PLEKHH1: variants seen among roughly 807,000 people sequenced by gnomAD.
PLEKHH1 encodes pleckstrin homology domain-containing family H member 1.
In PLEKHH1, 104 loss-of-function variants were observed where a neutral mutation model predicts 160.0. The ratio of observed to expected loss-of-function variants is 0.65; its 90% CI spans 0.55 to 0.76. The LOEUF (loss-of-function observed/expected upper bound fraction) is 0.76. Among genes scored for constraint, PLEKHH1 ranks in the 30% least tolerant of loss-of-function variants. The pLI, the probability that PLEKHH1 is intolerant of heterozygous loss-of-function variation, is 0.00. For synonymous variants in PLEKHH1, 619 were observed against 678.4 expected, an observed-to-expected ratio of 0.91 and a Z score of 1.36; for missense variants, 1,427 against 1,724.1, an observed-to-expected ratio of 0.83 and a Z score of 3.05.
At chr14:67,549,171 C>A (rs2034294958) in intron 2 of PLEKHH1, among the ~76,000 whole-genome samples, 1 of 152,024 alleles carries the variant, frequency 6.6e-6, no homozygotes, top group African/African-American at 2.4e-5. Flanking sequence ...CTTAGCAGGT[C>A]TTTGTGCTCA....
chr14:67,563,538 A>T (rs1439763277), intron 7 of PLEKHH1, among the ~76,000 whole-genome samples: 2 of 151,674 alleles, frequency 1.3e-5, no homozygotes, highest in Non-Finnish European at 2.9e-5. Flanking sequence ...GGTTCAATCA[A>T]TTCTCCCGCC....
Position 67,557,429 on chromosome 14 carries a change from A to G in PLEKHH1, c.339+11A>G. The G allele has an allele frequency of 6.2e-7, 1 of 1,611,438 alleles. No individual in the cohort carries two copies. ...CAGCTGGAGAAGCAGGTAAGGGCTC[A>G]TGCGCAAGGGAGCACCATGCCCTCT... On this transcript the variant is annotated intron_variant, in intron 4 of 28. Transcript: ENST00000329153.
rs755581767 is a variant in PLEKHH1, at chr14:67,569,978, A to G, written c.1400A>G (p.Asn467Ser). 2 of 1,608,552 alleles carry G rather than the reference A, an allele frequency of 1.2e-6. No homozygotes were observed. Among genetic ancestry groups the G allele is most frequent in the South Asian group, 2.2e-5 (2 of 89,822 alleles). ...PGSFSGLVYK[N>S]VTVPVYTALK... is the part of the protein sequence containing the mutation. ...TCTTTCTCTGGCCTGGTCTACAAGA[A>G]TGTCACTGTGCCTGTCTACACAGCA... Residue 467 changes from asparagine (N) to serine (S), a missense_variant, in exon 9 of 29, where the codon AAT becomes AGT. Coordinates refer to ENST00000329153, the MANE Select transcript of PLEKHH1 (RefSeq NM_020715.3).
chr14:67,554,708 G>C (rs2034526756), intron 2 of PLEKHH1, among the ~76,000 whole-genome samples: 1 of 152,202 alleles, frequency 6.6e-6, no homozygotes, highest in Admixed American at 6.5e-5. Flanking sequence ...CAAGCCATGA[G>C]CTTGAGAAGC....
chr14:67,561,237 G>C (rs1305097680), intron 5 of PLEKHH1, among the ~76,000 whole-genome samples: 1 of 152,176 alleles, frequency 6.6e-6, no homozygotes, highest in Non-Finnish European at 1.5e-5. Context: ...CAATAAAAGT[G>C]TGTTGGACTT....
rs143792116 is a variant in PLEKHH1 at position 67,578,043 on chromosome 14, C to T, written c.2595C>T (p.Asn865=). The change falls in exon 19 of 29, where the codon AAC becomes AAT. Residue 865 remains asparagine (N), a synonymous_variant. Coordinates refer to ENST00000329153, the MANE Select transcript of PLEKHH1 (RefSeq NM_020715.3). This position sits in a 1 kb window ranked among gnomAD's most constrained non-coding sequence, Gnocchi z 5.0. The stretch of plus-strand genomic sequence containing the variant: ...CCCAGTCCTGCCAGCTCTTCATCAA[C>T]GTGCCGGTGGAAGCTGCCTCGGTGG... The part of the protein sequence containing the change: ...KLFKSCQLFI[N]VPVEAASVDY... 5 of 1,613,744 alleles carry T rather than the reference C, an allele frequency of 3.1e-6. No individual in the cohort carries two copies. The highest frequency in any genetic ancestry group is 2.2e-5 in the East Asian group (1 of 44,880).
chr14:67,540,625 C>CAAAA (rs61700275), intron 1 of PLEKHH1, among the ~76,000 whole-genome samples: 1 of 123,248 alleles, frequency 8.1e-6, no homozygotes, highest in Non-Finnish European at 1.8e-5. Context: ...GACTCTCCCT[C>CAAAA]AAAAAAAAAA....
In PLEKHH1 at chr14:67,573,129, C is replaced by G. The variant is rs2035464582; in HGVS notation, c.1729-147C>G. On this transcript the variant is annotated intron_variant, in intron 11 of 28. Transcript: ENST00000329153. The surrounding 1 kb of genome is among the most constrained non-coding windows in gnomAD (Gnocchi z 4.8). Reference sequence around the variant, plus strand: ...CTCTGAACCATAGCAGGGCATGGTACTCTGAAAATACACTGAGTAGGTACT... The same window carrying G: ...CTCTGAACCATAGCAGGGCATGGTAGTCTGAAAATACACTGAGTAGGTACT... 1 of 603,750 alleles carries G rather than the reference C, an allele frequency of 1.7e-6. No homozygotes were observed. Among genetic ancestry groups the G allele is most frequent in the Non-Finnish European group, 3.0e-6 (1 of 334,190 alleles). The allele number at this position is 603,750 out of a possible 1,614,324, so 37.4% of individuals were successfully genotyped here.
In PLEKHH1 at chr14:67,587,151, C is replaced by G. The variant is rs1436188601; in HGVS notation, c.4011C>G (p.Pro1337=). Residue 1337 remains proline, a synonymous_variant, in exon 29 of 29, where the codon CCC becomes CCG. Coordinates refer to ENST00000329153, the MANE Select transcript of PLEKHH1 (RefSeq NM_020715.3). The part of the protein sequence containing the change: ...TTTVNPPTNP[P]GACQLWELDG... ...CTGTGAACCCCCCCACCAACCCACCCGGAGCCTGCCAGCTGTGGGAACTGG... is the reference window on the plus strand; with the variant it reads ...CTGTGAACCCCCCCACCAACCCACCGGGAGCCTGCCAGCTGTGGGAACTGG... 18 of 1,613,842 alleles carry G rather than the reference C, an allele frequency of 1.1e-5. No homozygotes were observed. The South Asian group carries it at 2.0e-4, about 18-fold the overall frequency.
chr14:67,571,651 T>G (rs2035381144), intron 9 of PLEKHH1, 101 bp from the exon 10 acceptor site: 7 of 1,195,170 alleles, frequency 5.9e-6, no homozygotes, highest in Non-Finnish European at 8.6e-6. Context: ...GGCTGGGGGT[T>G]GGCCACACCA....
In PLEKHH1 at chr14:67,578,422, T is replaced by C. The variant is rs1384248120; in HGVS notation, c.2752-112T>C. 15 of 860,560 alleles carry C rather than the reference T, an allele frequency of 1.7e-5. No homozygotes were observed. The highest frequency in any genetic ancestry group is 1.5e-4 in the South Asian group (10 of 67,636). The allele number at this position is 860,560 out of a possible 1,614,324, so 53.3% of individuals were successfully genotyped here. On this transcript the variant is annotated intron_variant, in intron 19 of 28. Transcript: ENST00000329153. The surrounding 1 kb of genome is among the most constrained non-coding windows in gnomAD (Gnocchi z 5.0). ...TGGCCATCCCAGCACCCAGAGCAAG[T>C]TGGGGGCTCTGGTTTGGGGAAAGAG...
chr14:67,586,575 A>G, intron 28 of PLEKHH1: 1 of 512,202 alleles, frequency 2.0e-6, no homozygotes, highest in Admixed American at 2.5e-5. Flanking sequence ...CTTTTGCTTT[A>G]GTGACTTTGT....
At position 67,569,225 on chromosome 14, in the gene PLEKHH1, C is replaced by T. The variant is rs754548098; in HGVS notation, c.1342+9C>T. 27 of 1,603,076 alleles carry T rather than the reference C, an allele frequency of 1.7e-5. No homozygotes were observed. The highest frequency in any genetic ancestry group is 2.2e-5 in the Non-Finnish European group (26 of 1,170,164). On this transcript the variant is annotated intron_variant, in intron 8 of 28. Coordinates refer to ENST00000329153, the MANE Select transcript of PLEKHH1 (RefSeq NM_020715.3). ...TAATACTGCATGCTGCGGTGAGTTC[C>T]AAGTGAGGCTTGGAGGCACCAAACA...
chr14:67,580,527 T>C (rs1022969652), intron 22 of PLEKHH1, among the ~76,000 whole-genome samples: 3 of 152,276 alleles, frequency 2.0e-5, no homozygotes, highest in Non-Finnish European at 2.9e-5. Context: ...CTGGAAAAAC[T>C]ATGCCACATA....
At chr14:67,534,478 T>C (rs984689726) in intron 1 of PLEKHH1, among the ~76,000 whole-genome samples, 7 of 152,100 alleles carry the variant, frequency 4.6e-5, no homozygotes, top group East Asian at 1.9e-4. Context: ...CCCAGCTAAC[T>C]TGGGAGGCTG....
rs1351536260 is a variant in PLEKHH1 at position 67,569,422 on chromosome 14, G to A, written c.1342+206G>A. Among the ~76,000 whole-genome samples, 11 of 152,348 alleles carry A rather than the reference G, an allele frequency of 7.2e-5. No individual in the cohort carries two copies. In the South Asian group the frequency reaches 2.1e-3, roughly 29 times the overall value. ...GTCGTACAGGTTCAGCCCATCACAG[G>A]AAAGTAGCCAGTCACAGAGCTGGAA... On this transcript the variant is annotated intron_variant, in intron 8 of 28. Transcript: ENST00000329153.
chr14:67,580,988 C>T lies in PLEKHH1; in HGVS notation c.3234C>T (p.Pro1078=), dbSNP rs772963187. 63 of 1,613,464 alleles carry T rather than the reference C, an allele frequency of 3.9e-5. No homozygotes were observed. The highest frequency in any genetic ancestry group is 1.6e-4 in the Middle Eastern group (1 of 6,082). The change falls in exon 23 of 29, where the codon CCC becomes CCT. Residue 1078 remains proline (P), a synonymous_variant. Transcript: ENST00000329153. ...KWEQAMKELH[P]GKSEGGTRVV... ...AACAAGCCATGAAGGAGCTGCACCC[C>T]GGAAAGTCTGAGGGTGGGACACGCG...
At chr14:67,567,180 C>T (rs1672381155) in intron 7 of PLEKHH1, among the ~76,000 whole-genome samples, 1 of 152,126 alleles carries the variant, frequency 6.6e-6, no homozygotes, top group African/African-American at 2.4e-5. Context: ...ATCACAGTGG[C>T]CAGAAGCCCA....
At position 67,576,326 on chromosome 14, in the gene PLEKHH1, C is replaced by T; in HGVS notation, c.2353-69C>T. On this transcript the variant is annotated intron_variant, in intron 16 of 28. Transcript: ENST00000329153. This position sits in a 1 kb window ranked among gnomAD's most constrained non-coding sequence, Gnocchi z 4.0. ...CATGGGCTTGGTCCCTTCAAGGAGTCCTCCTTGGAGCTCTTGCCTCCACTC... is the reference window on the plus strand; with the variant it reads ...CATGGGCTTGGTCCCTTCAAGGAGTTCTCCTTGGAGCTCTTGCCTCCACTC... 2 of 869,102 alleles carry T rather than the reference C, an allele frequency of 2.3e-6. No individual in the cohort carries two copies. Among genetic ancestry groups the T allele is most frequent in the Non-Finnish European group, 3.7e-6 (2 of 540,254 alleles). 53.8% of individuals were successfully genotyped at this position (869,102 alleles called of 1,614,324 possible). A position where few individuals can be genotyped will look rare whatever the true frequency, so the allele number is the denominator to read the frequency against.
Sources: allele counts gnomAD v4.1 joint callset (sites outside exome capture counted in the v4.1 genomes callset), GRCh38; gene constraint gnomAD v4.1.1; non-coding constraint Gnocchi (gnomAD v3.1); transcripts MANE v1.5; gene names NCBI Gene and HGNC (gene_info 2026-07-23, HGNC 2026-07-21).